RBM28: variants seen among roughly 807,000 people sequenced by gnomAD.
The protein encoded by RBM28 is RNA-binding protein 28.
RBM28 carries 78 observed loss-of-function variants against 98.3 expected under a neutral mutation model. The observed-to-expected ratio is 0.79, with a 90% confidence interval of 0.66 to 0.96. The LOEUF (loss-of-function observed/expected upper bound fraction) is 0.96, where lower values mean the gene tolerates loss of function less well. Ranked by LOEUF, RBM28 falls within the 40% of genes least tolerant of loss-of-function variation. The pLI is 0.00. For synonymous variants in RBM28, 306 were observed against 330.9 expected, an observed-to-expected ratio of 0.92 and a Z score of 0.82; for missense variants, 838 against 913.0, an observed-to-expected ratio of 0.92 and a Z score of 1.06.
chr7:128,327,649 T>A (rs1362283599), intron 10 of RBM28, among the ~76,000 whole-genome samples: 1 of 151,994 alleles, frequency 6.6e-6, no homozygotes, highest in Non-Finnish European at 1.5e-5. Context: ...TACAGGCAGG[T>A]GCCTCCATGC....
At chr7:128,315,721 AT>A (rs1796093925) in intron 16 of RBM28, among the ~76,000 whole-genome samples, 1 of 152,192 alleles carries the variant, frequency 6.6e-6, no homozygotes, top group Non-Finnish European at 1.5e-5. Flanking sequence ...AGAAAAAAAA[AT>A]CACCAACCTA....
At position 128,325,902 on chromosome 7, in the gene RBM28, A is replaced by G. The variant is rs1190441409; in HGVS notation, c.1130-11T>C. ...GGGCAAATGCACAACCTGCACAAGG[A>G]GACACAATTCAGTGAGATCCCAAAC... On this transcript the variant is annotated splice_polypyrimidine_tract_variant and intron_variant, in intron 10 of 18. Coordinates refer to ENST00000223073, the MANE Select transcript of RBM28 (RefSeq NM_018077.3). 1 of 1,611,408 alleles carries G rather than the reference A, an allele frequency of 6.2e-7. No individual in the cohort carries two copies. Among genetic ancestry groups the G allele is most frequent in the Admixed American group, 1.7e-5 (1 of 60,020 alleles).
At chr7:128,324,095 G>A (rs1796294782) in intron 12 of RBM28, among the ~76,000 whole-genome samples, 1 of 152,230 alleles carries the variant, frequency 6.6e-6, no homozygotes. Context: ...AGCTATGGAG[G>A]AGGTGAGCTG....
chr7:128,333,021 C>T (rs1035194498), intron 9 of RBM28, among the ~76,000 whole-genome samples: 9 of 152,242 alleles, frequency 5.9e-5, no homozygotes, highest in African/African-American at 2.2e-4. Context: ...ATGTTTCTAA[C>T]AGTTGAACTG....
At position 128,303,493 on chromosome 7, in the gene RBM28, T is replaced by C. The variant is rs1379087250; in HGVS notation, c.*7304A>G. On this transcript the variant is annotated 3_prime_UTR_variant, in exon 19 of 19. Coordinates refer to ENST00000223073, the MANE Select transcript of RBM28 (RefSeq NM_018077.3). The stretch of plus-strand genomic sequence containing the variant: ...GGCCTGGCCTCCTGGAAAGGGGCAA[T>C]GCCCCAGCCCAGCACACAACCAGGG... The C allele has an allele frequency of 2.6e-5, 4 of 152,204 alleles. No individual in the cohort carries two copies. Among genetic ancestry groups the C allele is most frequent in the African/African-American group, 9.7e-5 (4 of 41,434 alleles). 9.4% of individuals were successfully genotyped at this position (152,204 alleles called of 1,614,324 possible). A position where few individuals can be genotyped will look rare whatever the true frequency, so the allele number is the denominator to read the frequency against.
intron 8 of RBM28, among the ~76,000 whole-genome samples, chr7:128,335,275 T>C (rs1357604357): frequency 6.6e-6 from 1 of 152,186 alleles, no homozygotes; most frequent in Non-Finnish European, 1.5e-5. Context: ...AACCTCAGCA[T>C]TAAGCTAGGT....
chr7:128,320,752 G>A (rs1180271805), intron 14 of RBM28, among the ~76,000 whole-genome samples: 1 of 152,262 alleles, frequency 6.6e-6, no homozygotes, highest in Non-Finnish European at 1.5e-5. Context: ...CATGCAGACA[G>A]AGATTTCCTT....
chr7:128,318,356 C>G (rs1209030794), intron 14 of RBM28, among the ~76,000 whole-genome samples: 1 of 151,822 alleles, frequency 6.6e-6, no homozygotes, highest in Non-Finnish European at 1.5e-5. Flanking sequence ...GTGGTGGCAC[C>G]TCAGCTACTC....
chr7:128,329,122 G>C (rs995987883), intron 10 of RBM28, among the ~76,000 whole-genome samples: 2 of 151,756 alleles, frequency 1.3e-5, no homozygotes, highest in Non-Finnish European at 2.9e-5. Flanking sequence ...TTTTTGAGAC[G>C]GAGTCTTGCT....
In RBM28 at chr7:128,321,324, T is replaced by C. The variant is rs932045670; in HGVS notation, c.1505A>G (p.Gln502Arg). 9 of 1,614,104 alleles carry C rather than the reference T, an allele frequency of 5.6e-6. No individual in the cohort carries two copies. Among genetic ancestry groups the C allele is most frequent in the Admixed American group, 5.0e-5 (3 of 60,006 alleles). ...HNLPKAVDDK[Q>R]LRKLLLSATS... ...AGCACTCAGCAGCAGCTTTCTGAGC[T>C]GTTTGTCATCTACAGCCTTTGGGAG... Residue 502 changes from glutamine (Q) to arginine (R), a missense_variant, in exon 14 of 19, where the codon CAG becomes CGG. By Grantham distance (43) the Gln-to-Arg change is conservative. Coordinates refer to ENST00000223073, the MANE Select transcript of RBM28 (RefSeq NM_018077.3).
At chr7:128,332,746 G>A (rs1451565458) in intron 9 of RBM28, among the ~76,000 whole-genome samples, 1 of 152,132 alleles carries the variant, frequency 6.6e-6, no homozygotes, top group Non-Finnish European at 1.5e-5. Context: ...GGACTAGAAG[G>A]CAGGCCTGAG....
In RBM28 at chr7:128,310,779, C is replaced by T. The variant is rs757913104; in HGVS notation, c.*18G>A. 5 of 1,613,774 alleles carry T rather than the reference C, an allele frequency of 3.1e-6. No homozygotes were observed. Among genetic ancestry groups the T allele is most frequent in the South Asian group, 1.1e-5 (1 of 91,084 alleles). Reference sequence around the variant, plus strand: ...AGAAAGTACACAACCCAGCTTCTTACCCAGCCTGCTGCCATCATCAACTAT... The same window carrying T: ...AGAAAGTACACAACCCAGCTTCTTATCCAGCCTGCTGCCATCATCAACTAT... On this transcript the variant is annotated 3_prime_UTR_variant, in exon 19 of 19. Coordinates refer to ENST00000223073, the MANE Select transcript of RBM28 (RefSeq NM_018077.3).
In RBM28 at chr7:128,310,680, T is replaced by G; in HGVS notation, c.*117A>C. On this transcript the variant is annotated 3_prime_UTR_variant, in exon 19 of 19. Transcript: ENST00000223073. ...CAGTCCAGGGCACCTCCGAGCACAG[T>G]GGCAGTGCCCTTGGGGATTTTCTTT... 2.2e-6 allele frequency: 3 copies of G among 1,368,330 alleles called. No individual in the cohort carries two copies. Among genetic ancestry groups the G allele is most frequent in the Middle Eastern group, 1.8e-4 (1 of 5,606 alleles). The allele number at this position is 1,368,330 out of a possible 1,614,324, so 84.8% of individuals were successfully genotyped here.
At chr7:128,322,554 A>T (rs149453205) in intron 13 of RBM28, among the ~76,000 whole-genome samples, 296 of 152,374 alleles carry the variant, frequency 1.9e-3, no homozygotes, top group African/African-American at 6.9e-3. Flanking sequence ...TTTAAGTTCA[A>T]CAGACTATTT....
At position 128,298,035 on chromosome 7, in the gene RBM28, C is replaced by T. The variant is rs1195034372; in HGVS notation, c.*12762G>A. The T allele has an allele frequency of 1.4e-5, 1 of 69,658 alleles. No individual in the cohort carries two copies. Among genetic ancestry groups the T allele is most frequent in the Non-Finnish European group, 3.9e-5 (1 of 25,516 alleles). 4.3% of individuals were successfully genotyped at this position (69,658 alleles called of 1,614,324 possible). Reference sequence around the variant, plus strand: ...ATAGCATTGGGAGATATACCTAATGCTAGATGACGAGTTAGTGGGTGCAGC... The same window carrying T: ...ATAGCATTGGGAGATATACCTAATGTTAGATGACGAGTTAGTGGGTGCAGC... On this transcript the variant is annotated 3_prime_UTR_variant, in exon 19 of 19. Coordinates refer to ENST00000223073, the MANE Select transcript of RBM28 (RefSeq NM_018077.3).
Position 128,321,244 on chromosome 7 carries a change from AATGGTC to A in RBM28, c.1563+16_1563+21del. 1.2e-6 allele frequency: 2 copies of A among 1,613,890 alleles called. No individual in the cohort carries two copies. Among genetic ancestry groups the A allele is most frequent in the South Asian group, 1.1e-5 (1 of 91,058 alleles). ...CCCAAGATCAGAATGAAAGCTCCAA[AATGGTC>A]AGGGCCACGTCTCACCTCCTTGATG... On this transcript the variant is annotated intron_variant, in intron 14 of 18. Transcript: ENST00000223073.
rs1413304913 is a variant in RBM28, at chr7:128,298,524, G to A, written c.*12273C>T. On this transcript the variant is annotated 3_prime_UTR_variant, in exon 19 of 19. Transcript: ENST00000223073. ...CTGTATTTTTCAGATTCTCTTTACT[G>A]AGCATATATTATTTTTACAATCAGA... 2 of 151,996 alleles carry A rather than the reference G, an allele frequency of 1.3e-5. No individual in the cohort carries two copies. Among genetic ancestry groups the A allele is most frequent in the Admixed American group, 6.6e-5 (1 of 15,254 alleles). 9.4% of individuals were successfully genotyped at this position (151,996 alleles called of 1,614,324 possible).
At position 128,333,278 on chromosome 7, in the gene RBM28, A is replaced by T; in HGVS notation, c.1019+12T>A. 1 of 1,571,678 alleles carries T rather than the reference A, an allele frequency of 6.4e-7. No individual in the cohort carries two copies. The highest frequency in any genetic ancestry group is 8.8e-7 in the Non-Finnish European group (1 of 1,141,476). ...ACCACGCAAAAGCAATTCTGGAGGC[A>T]GAAAGACATACCTGATAAAAACAGT... On this transcript the variant is annotated intron_variant, in intron 9 of 18. Coordinates refer to ENST00000223073, the MANE Select transcript of RBM28 (RefSeq NM_018077.3).
intron 8 of RBM28, among the ~76,000 whole-genome samples, chr7:128,334,598 T>C (rs1325251376): frequency 6.6e-6 from 1 of 152,208 alleles, no homozygotes; most frequent in African/African-American, 2.4e-5. Context: ...AACCAGTTAT[T>C]AGCCATTTCT....
Sources: allele counts gnomAD v4.1 joint callset (sites outside exome capture counted in the v4.1 genomes callset), GRCh38; gene constraint gnomAD v4.1.1; transcripts MANE v1.5; gene names NCBI Gene and HGNC (gene_info 2026-07-23, HGNC 2026-07-21).